ABTB3: variants seen among roughly 807,000 people sequenced by gnomAD.
The protein encoded by ABTB3 is ankyrin repeat- and BTB/POZ domain-containing protein 3.
At chr12:107,640,291 T>C in the ABTB3 span, 1 of 1,429,636 alleles carries the variant, frequency 7.0e-7, no homozygotes, top group Non-Finnish European at 9.7e-7. Context: ...AGCTACCTTT[T>C]TTTCCCTTTC....
chr12:107,478,708 C>T, the ABTB3 span, among the ~76,000 whole-genome samples: 1 of 152,164 alleles, frequency 6.6e-6, no homozygotes, highest in African/African-American at 2.4e-5. Context: ...TAGTATATTT[C>T]ACGTGCGGGG....
the ABTB3 span, among the ~76,000 whole-genome samples, chr12:107,645,781 C>T: frequency 2.4e-4 from 37 of 152,188 alleles, no homozygotes; most frequent in South Asian, 4.1e-4. Context: ...CGGCAGTCCC[C>T]GGAGGAATCC....
chr12:107,366,709 A>G, the ABTB3 span, among the ~76,000 whole-genome samples: 1 of 152,238 alleles, frequency 6.6e-6, no homozygotes, highest in African/African-American at 2.4e-5. Context: ...ATGGGGTGGA[A>G]AATAGACAAT....
At chr12:107,622,443 C>T in the ABTB3 span, among the ~76,000 whole-genome samples, 3 of 152,144 alleles carry the variant, frequency 2.0e-5, no homozygotes, top group South Asian at 4.1e-4. Flanking sequence ...TCTCCCTGCA[C>T]TTTAGGATTC....
chr12:107,458,986 C>T, the ABTB3 span, among the ~76,000 whole-genome samples: 1 of 152,206 alleles, frequency 6.6e-6, no homozygotes, highest in Non-Finnish European at 1.5e-5. Context: ...CCTCCTTCAC[C>T]TACTCCCCTG....
the ABTB3 span, among the ~76,000 whole-genome samples, chr12:107,489,365 A>G: frequency 6.6e-6 from 1 of 152,130 alleles, no homozygotes. Context: ...TACTAAAAAT[A>G]CAAAACCAGC....
At chr12:107,582,684 C>A in the ABTB3 span, among the ~76,000 whole-genome samples, 1 of 152,190 alleles carries the variant, frequency 6.6e-6, no homozygotes. Context: ...AGATTGGGAA[C>A]CATTGGTGGA....
chr12:107,580,550 T>G, the ABTB3 span: 1 of 172,304 alleles, frequency 5.8e-6, no homozygotes. Flanking sequence ...CCAGCCTGGG[T>G]CTGGGGGAAG....
At chr12:107,561,614 G>C in the ABTB3 span, among the ~76,000 whole-genome samples, 2 of 152,300 alleles carry the variant, frequency 1.3e-5, no homozygotes, top group South Asian at 4.1e-4. Context: ...TTGAACACCA[G>C]AGACCAGGTT....
At chr12:107,600,971 T>TG in the ABTB3 span, among the ~76,000 whole-genome samples, 142 of 152,138 alleles carry the variant, frequency 9.3e-4, no homozygotes, top group Middle Eastern at 3.4e-3. Flanking sequence ...AGGATGGTGG[T>TG]GGGGGGGTGT....
At chr12:107,477,421 T>C in the ABTB3 span, among the ~76,000 whole-genome samples, 15 of 152,318 alleles carry the variant, frequency 9.8e-5, no homozygotes, top group Middle Eastern at 0.01. Context: ...GACTTGCCCC[T>C]GCCAGATGCA....
the ABTB3 span, among the ~76,000 whole-genome samples, chr12:107,510,939 A>G: frequency 6.6e-6 from 1 of 152,140 alleles, no homozygotes; most frequent in South Asian, 2.1e-4. Context: ...AAAGAAAAAG[A>G]AAAGTCTCTC....
the ABTB3 span, among the ~76,000 whole-genome samples, chr12:107,337,635 G>T: frequency 6.6e-6 from 1 of 152,172 alleles, no homozygotes; most frequent in East Asian, 1.9e-4. Flanking sequence ...GGGATGTAGG[G>T]GCTGAGGTTC....
the ABTB3 span, among the ~76,000 whole-genome samples, chr12:107,559,655 A>C: frequency 2.0e-5 from 3 of 152,184 alleles, no homozygotes; most frequent in Non-Finnish European, 4.4e-5. Context: ...CCGGCAGTAA[A>C]TTTGGTCATT....
the ABTB3 span, among the ~76,000 whole-genome samples, chr12:107,563,224 C>T: frequency 1.3e-5 from 2 of 152,180 alleles, no homozygotes; most frequent in Non-Finnish European, 2.9e-5. Flanking sequence ...TCCAGCGAAC[C>T]ATTCCCTGGA....
At chr12:107,631,932 A>G in the ABTB3 span, among the ~76,000 whole-genome samples, 1 of 152,230 alleles carries the variant, frequency 6.6e-6, no homozygotes, top group Non-Finnish European at 1.5e-5. Flanking sequence ...CCTCTTTGGA[A>G]TGCAGTGAGC....
the ABTB3 span, among the ~76,000 whole-genome samples, chr12:107,571,192 A>G: frequency 4.6e-5 from 7 of 152,174 alleles, no homozygotes; most frequent in African/African-American, 1.4e-4. Flanking sequence ...CACCTTACTG[A>G]CATTCTCTCC....
chr12:107,635,637 G>A, the ABTB3 span, among the ~76,000 whole-genome samples: 2 of 152,182 alleles, frequency 1.3e-5, no homozygotes, highest in South Asian at 4.1e-4. Context: ...CAGACAGTGG[G>A]GGCTGCCAAA....
the ABTB3 span, among the ~76,000 whole-genome samples, chr12:107,415,257 A>C: frequency 2.7e-5 from 4 of 150,876 alleles, no homozygotes; most frequent in African/African-American, 9.9e-5. Context: ...CCACTGACTC[A>C]GACCCACTGA....
Sources: allele counts gnomAD v4.1 joint callset (sites outside exome capture counted in the v4.1 genomes callset), GRCh38; gene constraint gnomAD v4.1.1; transcripts MANE v1.5; gene names NCBI Gene and HGNC (gene_info 2026-07-23, HGNC 2026-07-21).